Variants in MYZAP observed in about 807,000 individuals in gnomAD.
The protein encoded by MYZAP is myocardial zonula adherens protein.
MYZAP carries 66 observed loss-of-function variants against 69.4 expected under a neutral mutation model. The ratio of observed to expected loss-of-function variants is 0.95; its 90% CI spans 0.78 to 1.17. MYZAP has a LOEUF of 1.17. Among genes scored for constraint, MYZAP ranks in the 50% most tolerant of loss-of-function variants. MYZAP has a pLI of 0.00. For missense variants in MYZAP, 611 were observed against 556.2 expected, an observed-to-expected ratio of 1.10 and a Z score of -0.99; for synonymous variants, 256 against 205.9, an observed-to-expected ratio of 1.24 and a Z score of -2.09.
intron 10 of MYZAP, chr15:57,647,881 T>C: frequency 1.0e-6 from 1 of 985,394 alleles, no homozygotes; most frequent in Non-Finnish European, 1.2e-6. Context: ...TGTGATATGG[T>C]GTGAACTTGA....
At chr15:57,607,554 ACCCCTCAGC>A (rs1335327560) in intron 2 of MYZAP, among the ~76,000 whole-genome samples, 1 of 152,046 alleles carries the variant, frequency 6.6e-6, no homozygotes, top group South Asian at 2.1e-4. Flanking sequence ...GTCTCCCTTT[ACCCCTCAGC>A]CCCCAGACAC....
At chr15:57,673,582 C>A (rs1174753200) in intron 11 of MYZAP, among the ~76,000 whole-genome samples, 1 of 151,040 alleles carries the variant, frequency 6.6e-6, no homozygotes, top group African/African-American at 2.4e-5. Context: ...CAGAACCCAT[C>A]GATCTGTCAT....
intron 12 of MYZAP, 121 bp downstream of exon 12, chr15:57,675,189 C>G (rs1236693673): frequency 2.2e-6 from 2 of 903,426 alleles, no homozygotes; most frequent in East Asian, 5.4e-5. Flanking sequence ...TCTGCAAAGC[C>G]GAGTGGTGGC....
intron 11 of MYZAP, among the ~76,000 whole-genome samples, chr15:57,664,070 GTT>G (rs35632598): frequency 1.1e-3 from 159 of 141,506 alleles, no homozygotes; most frequent in African/African-American, 3.7e-3. Flanking sequence ...TTCTGTTCTT[GTT>G]TTTTTTTTTT....
At chr15:57,629,674 G>A (rs1212491047) in intron 5 of MYZAP, 28 bp from the exon 6 acceptor site, 2 of 1,602,746 alleles carry the variant, frequency 1.2e-6, no homozygotes, top group Non-Finnish European at 1.7e-6. Flanking sequence ...CACCGGATCT[G>A]GTTTTGTTTT....
chr15:57,661,427 AT>A (rs1315764980), intron 10 of MYZAP, 22 bp from the exon 11 acceptor site: 2 of 1,576,896 alleles, frequency 1.3e-6, no homozygotes, highest in African/African-American at 2.7e-5. Context: ...TTGATTAACA[AT>A]TTTCCATCCC....
At chr15:57,645,816 T>C (rs1291214189) in intron 10 of MYZAP, among the ~76,000 whole-genome samples, 1 of 152,222 alleles carries the variant, frequency 6.6e-6, no homozygotes, top group East Asian at 1.9e-4. Flanking sequence ...TCTTTTGTGC[T>C]CTGTGCTGTT....
At chr15:57,597,816 T>C (rs1231468048) in intron 1 of MYZAP, among the ~76,000 whole-genome samples, 1 of 152,192 alleles carries the variant, frequency 6.6e-6, no homozygotes, top group African/African-American at 2.4e-5. Context: ...AGAGGTCTAA[T>C]CTAGATGGGG....
At chr15:57,617,269 A>G (rs961302170) in intron 2 of MYZAP, among the ~76,000 whole-genome samples, 1 of 152,182 alleles carries the variant, frequency 6.6e-6, no homozygotes, top group African/African-American at 2.4e-5. Flanking sequence ...ATTAAATGTG[A>G]TTAGGAATAT....
intron 7 of MYZAP, among the ~76,000 whole-genome samples, chr15:57,632,815 A>T (rs1294658100): frequency 6.6e-6 from 1 of 151,972 alleles, no homozygotes; most frequent in Non-Finnish European, 1.5e-5. Flanking sequence ...TCATCTGACA[A>T]TTTGCCAGCA....
rs1364116918 is a variant in MYZAP at position 57,621,700 on chromosome 15, A to G, written c.411A>G (p.Ser137=). ...QKIRQLTQEL[S]VSHAQQEYLE... ...TTCGACAGCTCACCCAGGAACTATC[A>G]GTAAGTCATTATCTCAGTTGCTTGG... Residue 137 remains serine (S), a splice_region_variant and synonymous_variant, in exon 4 of 13, where the codon TCA becomes TCG. Coordinates refer to ENST00000267853, the MANE Select transcript of MYZAP (RefSeq NM_001018100.5). 6.2e-7 allele frequency: 1 copy of G among 1,613,582 alleles called. No homozygotes were observed. Among genetic ancestry groups the G allele is most frequent in the African/African-American group, 1.3e-5 (1 of 74,930 alleles).
chr15:57,596,392 C>T (rs1595844542), intron 1 of MYZAP, among the ~76,000 whole-genome samples: 1 of 152,200 alleles, frequency 6.6e-6, no homozygotes, highest in Non-Finnish European at 1.5e-5. Context: ...GGCTGACTAA[C>T]TAGAGACCAT....
At chr15:57,610,231 G>T (rs1023310947) in intron 2 of MYZAP, among the ~76,000 whole-genome samples, 1 of 152,226 alleles carries the variant, frequency 6.6e-6, no homozygotes, top group African/African-American at 2.4e-5. Flanking sequence ...GAGCAGATGC[G>T]TGGGTATGGA....
At chr15:57,614,106 G>C (rs12592230) in intron 2 of MYZAP, among the ~76,000 whole-genome samples, 17,606 of 152,190 alleles carry the variant, frequency 0.12, 1,277 homozygotes, top group East Asian at 0.37. Flanking sequence ...TGTGACCGGG[G>C]TAAACATTAA....
chr15:57,632,692 T>C, intron 7 of MYZAP, 133 bp downstream of exon 7: 4 of 1,425,470 alleles, frequency 2.8e-6, no homozygotes, highest in Non-Finnish European at 3.8e-6. Flanking sequence ...GATCAAGGAA[T>C]TATTCATCTG....
chr15:57,593,188 GCA>G (rs199705290), intron 1 of MYZAP, among the ~76,000 whole-genome samples: 1,549 of 114,122 alleles, frequency 0.014, 23 homozygotes, highest in East Asian at 0.075. Context: ...GTACACAGGC[GCA>G]CACACACACA....
intron 2 of MYZAP, among the ~76,000 whole-genome samples, chr15:57,610,423 A>G (rs1333008194): frequency 2.0e-5 from 3 of 152,174 alleles, no homozygotes; most frequent in African/African-American, 7.2e-5. Context: ...GTGTGCTGCC[A>G]TGATTCAGAG....
At chr15:57,614,165 GA>G (rs1225968422) in intron 2 of MYZAP, among the ~76,000 whole-genome samples, 3 of 152,106 alleles carry the variant, frequency 2.0e-5, no homozygotes, top group African/African-American at 7.2e-5. Flanking sequence ...ACTTCATTTG[GA>G]CCATATTTAT....
chr15:57,663,273 A>T (rs539638517), intron 11 of MYZAP, among the ~76,000 whole-genome samples: 2 of 151,846 alleles, frequency 1.3e-5, no homozygotes, highest in Non-Finnish European at 2.9e-5. Flanking sequence ...TAAATGTCCA[A>T]GGGAATATTG....
Sources: gnomAD v4.1 joint callset for allele counts (sites outside exome capture counted in the v4.1 genomes callset) on GRCh38, gnomAD v4.1.1 for gene constraint, MANE v1.5 for transcripts, NCBI Gene and HGNC (gene_info 2026-07-23, HGNC 2026-07-21) for gene names.